SLC44A5: variants seen among roughly 807,000 people sequenced by gnomAD.
SLC44A5 encodes the protein choline transporter-like protein 5.
In SLC44A5, 57 loss-of-function variants were observed where a neutral mutation model predicts 101.8. The observed-to-expected ratio is 0.56, with a 90% confidence interval of 0.45 to 0.70. The LOEUF (loss-of-function observed/expected upper bound fraction) is 0.70. Ranked by LOEUF, SLC44A5 falls within the 30% of genes least tolerant of loss-of-function variation. SLC44A5 has a pLI of 0.00. For missense variants in SLC44A5, 737 were observed against 853.1 expected (o/e 0.86, Z 1.70); for synonymous variants, 281 against 290.9 (o/e 0.97, Z 0.35).
At chr1:75,677,868 G>A in the SLC44A5 span, 1 of 348,150 alleles carries the variant, frequency 2.9e-6, no homozygotes, top group Non-Finnish European at 5.5e-6. Flanking sequence ...ATCTCACTAG[G>A]GAGTGCCAGA....
chr1:75,331,823 C>T (rs1330340921), intron 4 of SLC44A5, among the ~76,000 whole-genome samples: 1 of 152,158 alleles, frequency 6.6e-6, no homozygotes, highest in East Asian at 1.9e-4. Context: ...CTCTATCTAA[C>T]ATGTTATATC....
chr1:75,672,814 C>T, the SLC44A5 span, among the ~76,000 whole-genome samples: 2 of 152,130 alleles, frequency 1.3e-5, no homozygotes, highest in African/African-American at 2.4e-5. Flanking sequence ...CCATTCTAGG[C>T]CCTAGCTCCA....
chr1:75,307,672 G>T (rs1175270865), intron 4 of SLC44A5, among the ~76,000 whole-genome samples: 1 of 152,130 alleles, frequency 6.6e-6, no homozygotes, highest in Non-Finnish European at 1.5e-5. Context: ...AAGAGCTTGC[G>T]TTTGAAAGCA....
At chr1:75,224,515 A>G (rs1305110254) in intron 13 of SLC44A5, among the ~76,000 whole-genome samples, 1 of 152,182 alleles carries the variant, frequency 6.6e-6, no homozygotes, top group Non-Finnish European at 1.5e-5. Flanking sequence ...GTGGAGGTGG[A>G]AGAAAGTGAT....
the SLC44A5 span, among the ~76,000 whole-genome samples, chr1:75,648,604 T>C: frequency 1.3e-5 from 2 of 151,822 alleles, no homozygotes; most frequent in African/African-American, 2.4e-5. Context: ...ATGGCCTGCT[T>C]TAGGAAAGAA....
the SLC44A5 span, among the ~76,000 whole-genome samples, chr1:75,659,572 T>C: frequency 7.3e-6 from 1 of 137,712 alleles, no homozygotes; most frequent in African/African-American, 2.8e-5. Flanking sequence ...GCAGAATTGC[T>C]TGAGCCCAGG....
chr1:75,686,647 A>C, the SLC44A5 span, among the ~76,000 whole-genome samples: 1 of 152,240 alleles, frequency 6.6e-6, no homozygotes, highest in African/African-American at 2.4e-5. Flanking sequence ...GTAATTCAAG[A>C]ATTTTCAGCA....
chr1:75,486,554 G>C (rs994065138), intron 2 of SLC44A5, among the ~76,000 whole-genome samples: 1 of 152,136 alleles, frequency 6.6e-6, no homozygotes, highest in East Asian at 1.9e-4. Flanking sequence ...GTTTTGATTG[G>C]TTTAGAGTCG....
chr1:75,286,403 G>A (rs1199918717), intron 5 of SLC44A5, among the ~76,000 whole-genome samples: 2 of 152,002 alleles, frequency 1.3e-5, no homozygotes, highest in South Asian at 2.1e-4. Context: ...CAGATAGTTC[G>A]TTCGTGAATT....
chr1:75,611,157 T>A (rs1675639056), upstream of SLC44A5: 6 of 934,236 alleles, frequency 6.4e-6, no homozygotes, highest in Middle Eastern at 5.5e-4. Context: ...TGTTCCAGTA[T>A]CACTAAGGGC....
chr1:75,439,036 C>A (rs181084176), intron 2 of SLC44A5, among the ~76,000 whole-genome samples: 1 of 152,052 alleles, frequency 6.6e-6, no homozygotes, highest in Admixed American at 6.6e-5. Context: ...CTTGACGATC[C>A]CCAGTGCTTC....
chr1:75,698,914 T>C, the SLC44A5 span, among the ~76,000 whole-genome samples: 6 of 151,778 alleles, frequency 4.0e-5, no homozygotes, highest in Admixed American at 1.3e-4. Context: ...CGATGGAAGA[T>C]GAAATGAATG....
intron 4 of SLC44A5, among the ~76,000 whole-genome samples, chr1:75,319,180 G>A (rs982777970): frequency 3.6e-4 from 54 of 152,044 alleles, no homozygotes; most frequent in African/African-American, 1.1e-3. Flanking sequence ...TGTGCTTTGC[G>A]ATACATTAAT....
At chr1:75,308,503 G>A (rs1655069630) in intron 4 of SLC44A5, among the ~76,000 whole-genome samples, 1 of 152,064 alleles carries the variant, frequency 6.6e-6, no homozygotes, top group African/African-American at 2.4e-5. Flanking sequence ...TATCATGTGT[G>A]TAAAACTTGT....
intron 2 of SLC44A5, among the ~76,000 whole-genome samples, chr1:75,469,943 G>A (rs545881247): frequency 3.4e-5 from 5 of 145,948 alleles, no homozygotes; most frequent in Admixed American, 1.4e-4. Flanking sequence ...AACGTATCCT[G>A]ACTCCCATAA....
chr1:75,492,932 C>T (rs1407038286), intron 2 of SLC44A5, among the ~76,000 whole-genome samples: 1 of 152,174 alleles, frequency 6.6e-6, no homozygotes, highest in Non-Finnish European at 1.5e-5. Context: ...GGAACAAAAA[C>T]TTTTCCTTGG....
intron 4 of SLC44A5, among the ~76,000 whole-genome samples, chr1:75,309,596 T>C (rs1276527200): frequency 6.6e-6 from 1 of 152,164 alleles, no homozygotes; most frequent in Non-Finnish European, 1.5e-5. Context: ...ATTATACAAG[T>C]ATGCTATTGG....
intron 2 of SLC44A5, among the ~76,000 whole-genome samples, chr1:75,539,532 C>A (rs943550168): frequency 6.6e-6 from 1 of 152,098 alleles, no homozygotes; most frequent in Non-Finnish European, 1.5e-5. Flanking sequence ...ATTTTCTATG[C>A]CTTTTATTAC....
At chr1:75,391,080 A>G (rs1661754746) in intron 3 of SLC44A5, among the ~76,000 whole-genome samples, 1 of 152,182 alleles carries the variant, frequency 6.6e-6, no homozygotes, top group African/African-American at 2.4e-5. Flanking sequence ...TCAAAAATAC[A>G]ATCCCATTTA....
Sources: allele counts gnomAD v4.1 joint callset (sites outside exome capture counted in the v4.1 genomes callset), GRCh38; gene constraint gnomAD v4.1.1; transcripts MANE v1.5; gene names NCBI Gene and HGNC (gene_info 2026-07-23, HGNC 2026-07-21).